The following CUEDC1 variants were observed in gnomAD, a reference collection of about 807,000 sequenced individuals.
The protein encoded by CUEDC1 is CUE domain containing 1, also known as CUE domain-containing protein 1.
A neutral mutation model predicts 43.7 loss-of-function variants in CUEDC1; 30 were observed. The observed-to-expected ratio is 0.69, with a 90% CI of 0.51 to 0.93. CUEDC1 has a LOEUF of 0.93. CUEDC1 is among the 40% of genes least tolerant of loss of function. CUEDC1 has a pLI of 0.00. For synonymous variants in CUEDC1, 223 were observed against 223.6 expected (o/e 1.00, Z 0.02); for missense variants, 486 against 549.0 (o/e 0.89, Z 1.15).
intron 1 of CUEDC1, among the ~76,000 whole-genome samples, chr17:57,910,720 C>T (rs1285562922): frequency 6.6e-6 from 1 of 152,132 alleles, no homozygotes; most frequent in Non-Finnish European, 1.5e-5. Flanking sequence ...CTGGATGGTA[C>T]AACTCTGTGA....
At position 57,954,297 on chromosome 17, in the gene CUEDC1, G is replaced by C. The variant is rs554577936; in HGVS notation, c.-316+928C>G. On this transcript the variant is annotated intron_variant, in intron 1 of 10. Transcript: ENST00000577830. This position sits in a 1 kb window ranked among gnomAD's most constrained non-coding sequence, Gnocchi z 4.3. ...TCCTCTATCGCCTCCAGGGCATCTT[G>C]TTTCTAAACTCCCAGGGAGTCCCCT... Among the ~76,000 whole-genome samples the C allele has an allele frequency of 2.2e-4, 34 of 152,188 alleles. No individual in the cohort carries two copies. The South Asian group carries it at 6.2e-3, about 28-fold the overall frequency.
At chr17:57,929,469 G>A (rs1043557602) in intron 1 of CUEDC1, among the ~76,000 whole-genome samples, 2 of 152,086 alleles carry the variant, frequency 1.3e-5, no homozygotes, top group Non-Finnish European at 2.9e-5. Context: ...TACCAAATAA[G>A]TAGAGAAAAA....
intron 1 of CUEDC1, among the ~76,000 whole-genome samples, chr17:57,927,843 C>T (rs2074763521): frequency 6.6e-6 from 1 of 152,270 alleles, no homozygotes; most frequent in Admixed American, 6.5e-5. Flanking sequence ...ATTATCCCAT[C>T]TAACTTCACA....
Position 57,930,728 on chromosome 17 carries a change from A to T in CUEDC1, c.-316+24497T>A, listed in dbSNP as rs1419648498. Among the ~76,000 whole-genome samples, 1 of 152,194 alleles carries T rather than the reference A, an allele frequency of 6.6e-6. No individual in the cohort carries two copies. The highest frequency in any genetic ancestry group is 1.5e-5 in the Non-Finnish European group (1 of 68,032). On this transcript the variant is annotated intron_variant, in intron 1 of 10. Transcript: ENST00000577830. The surrounding 1 kb of genome is among the most constrained non-coding windows in gnomAD (Gnocchi z 4.2). ...TCTATCGTGAAAGCTGAGAAATCTA[A>T]GAGCTGGAAGCCTGGGAGGAAGGGA...
At chr17:57,895,445 G>C (rs1334148623) in intron 1 of CUEDC1, among the ~76,000 whole-genome samples, 1 of 152,214 alleles carries the variant, frequency 6.6e-6, no homozygotes, top group Non-Finnish European at 1.5e-5. Flanking sequence ...TATAAGGGAT[G>C]GTGCTTATGT....
intron 1 of CUEDC1, among the ~76,000 whole-genome samples, chr17:57,920,222 T>G (rs1210091777): frequency 1.3e-5 from 2 of 152,190 alleles, no homozygotes; most frequent in African/African-American, 2.4e-5. Context: ...GACTGGTACC[T>G]TATTAGCAAC....
At position 57,861,670 on chromosome 17, in the gene CUEDC1, G is replaced by GA. The variant is rs202096732; in HGVS notation, c.*1618dup. ...CCAAGAAAAAACCCACACATAGGAG[G>GA]AAAAAAAATAACAAAGCAACACTCA... On this transcript the variant is annotated 3_prime_UTR_variant, in exon 11 of 11. Coordinates refer to ENST00000577830, the MANE Select transcript of CUEDC1 (RefSeq NM_001271875.2). 490 of 152,282 alleles carry GA rather than the reference G, an allele frequency of 3.2e-3. 1 individual carries two copies. The highest frequency in any genetic ancestry group is 9.7e-3 in the African/African-American group (403 of 41,522). The allele number at this position is 152,282 out of a possible 1,614,324, so 9.4% of individuals were successfully genotyped here. A position where few individuals can be genotyped will look rare whatever the true frequency, so the allele number is the denominator to read the frequency against.
rs2143266208 is a variant in CUEDC1 at position 57,954,779 on chromosome 17, G to A, written c.-316+446C>T. 6.6e-6 allele frequency among the ~76,000 whole-genome samples: 1 copy of A among 152,216 alleles called. No homozygotes were observed. The highest frequency in any genetic ancestry group is 2.1e-4 in the South Asian group (1 of 4,828). ...CGCCCCCGCCTGCCGTCGCCGCCCA[G>A]CCTGCGCCCCCAGGCCCGGGCACTG... On this transcript the variant is annotated intron_variant, in intron 1 of 10. Coordinates refer to ENST00000577830, the MANE Select transcript of CUEDC1 (RefSeq NM_001271875.2). This position sits in a 1 kb window ranked among gnomAD's most constrained non-coding sequence, Gnocchi z 4.3.
intron 2 of CUEDC1, among the ~76,000 whole-genome samples, chr17:57,882,197 C>T (rs1282174335): frequency 6.6e-6 from 1 of 152,038 alleles, no homozygotes; most frequent in Non-Finnish European, 1.5e-5. Context: ...TTTTTTTTTC[C>T]AGTCAGCAGT....
At chr17:57,880,063 G>C (rs1351268478) in intron 2 of CUEDC1, among the ~76,000 whole-genome samples, 1 of 152,180 alleles carries the variant, frequency 6.6e-6, no homozygotes, top group Non-Finnish European at 1.5e-5. Context: ...GGTCAGGGCG[G>C]TGTGCCCTCT....
At chr17:57,939,604 C>T (rs1229502311) in intron 1 of CUEDC1, among the ~76,000 whole-genome samples, 2 of 152,120 alleles carry the variant, frequency 1.3e-5, no homozygotes, top group African/African-American at 2.4e-5. Context: ...ACGTGTCTGG[C>T]CAGCTCATAT....
chr17:57,893,087 G>C (rs947102856), intron 1 of CUEDC1, among the ~76,000 whole-genome samples: 1 of 152,248 alleles, frequency 6.6e-6, no homozygotes, highest in Non-Finnish European at 1.5e-5. Context: ...TGGGAATCCA[G>C]GCTGCAAAAG....
At chr17:57,884,125 C>A (rs1414877336) in intron 2 of CUEDC1, among the ~76,000 whole-genome samples, 1 of 151,718 alleles carries the variant, frequency 6.6e-6, no homozygotes, top group Non-Finnish European at 1.5e-5. Flanking sequence ...ATTTAACTGG[C>A]AAGTCTGATT....
At chr17:57,941,532 C>T (rs1261515744) in intron 1 of CUEDC1, among the ~76,000 whole-genome samples, 1 of 152,198 alleles carries the variant, frequency 6.6e-6, no homozygotes, top group African/African-American at 2.4e-5. Flanking sequence ...AAGGTGTCTG[C>T]TGTATGCCAC....
At chr17:57,874,605 G>A (rs1387292998) in intron 3 of CUEDC1, among the ~76,000 whole-genome samples, 2 of 152,180 alleles carry the variant, frequency 1.3e-5, no homozygotes, top group African/African-American at 4.8e-5. Context: ...CCGGCCAGGA[G>A]GTCCCCACAG....
chr17:57,863,787 G>A (rs2073915298), intron 10 of CUEDC1, among the ~76,000 whole-genome samples: 1 of 151,894 alleles, frequency 6.6e-6, no homozygotes, highest in South Asian at 2.1e-4. Flanking sequence ...GGCGGGCCGA[G>A]GTCAGGGGTT....
intron 1 of CUEDC1, among the ~76,000 whole-genome samples, chr17:57,912,159 C>A (rs2074590302): frequency 6.6e-6 from 1 of 152,246 alleles, no homozygotes; most frequent in East Asian, 1.9e-4. Context: ...TACACACACA[C>A]AACCTTGGCC....
chr17:57,931,514 G>A (rs888440089), intron 1 of CUEDC1, among the ~76,000 whole-genome samples: 2 of 152,082 alleles, frequency 1.3e-5, no homozygotes, highest in African/African-American at 4.8e-5. Flanking sequence ...GGGGTCATGA[G>A]GGCATTAACT....
At chr17:57,884,473 G>A (rs2074260133) in intron 2 of CUEDC1, among the ~76,000 whole-genome samples, 1 of 151,788 alleles carries the variant, frequency 6.6e-6, no homozygotes, top group South Asian at 2.1e-4. Flanking sequence ...TGGGATTACA[G>A]GCATGAGCCA....
Sources: gnomAD v4.1 joint callset for allele counts (sites outside exome capture counted in the v4.1 genomes callset) on GRCh38, gnomAD v4.1.1 for gene constraint, Gnocchi (gnomAD v3.1) non-coding constraint, MANE v1.5 for transcripts, NCBI Gene and HGNC (gene_info 2026-07-23, HGNC 2026-07-21) for gene names.